Variants in GPX3 observed in about 807,000 individuals in gnomAD.
The protein encoded by GPX3 is glutathione peroxidase 3.
In GPX3, 22 loss-of-function variants were observed where a neutral mutation model predicts 25.1. That is an observed-to-expected ratio of 0.88 (90% CI 0.63 to 1.25). The LOEUF (loss-of-function observed/expected upper bound fraction) is 1.25, where lower values mean the gene tolerates loss of function less well. GPX3 is among the 50% of genes most tolerant of loss of function. The pLI, the probability that GPX3 is intolerant of heterozygous loss-of-function variation, is 0.00. For missense variants in GPX3, 278 were observed against 286.6 expected, an observed-to-expected ratio of 0.97 and a Z score of 0.22; for synonymous variants, 110 against 114.5, an observed-to-expected ratio of 0.96 and a Z score of 0.25.
Position 151,028,006 on chromosome 5 carries a change from T to C in GPX3, c.557T>C (p.Phe186Ser). Reference sequence around the variant, plus strand: ...GACATCCGCTGGAACTTTGAGAAGTTCCTGGTGGGGCCAGATGGTATACCC... The same window carrying C: ...GACATCCGCTGGAACTTTGAGAAGTCCCTGGTGGGGCCAGATGGTATACCC... ...VHDIRWNFEK[F>S]LVGPDGIPIM... The change falls in exon 5 of 5, where the codon TTC becomes TCC. Residue 186 changes from phenylalanine (F) to serine (S), a missense_variant. Phe to Ser is a radical substitution (Grantham distance 155). Transcript: ENST00000388825. The C allele has an allele frequency of 3.1e-6, 5 of 1,614,194 alleles. No individual in the cohort carries two copies. The highest frequency in any genetic ancestry group is 4.2e-6 in the Non-Finnish European group (5 of 1,180,024).
At chr5:151,022,811 C>T (rs963343815) in intron 1 of GPX3, among the ~76,000 whole-genome samples, 8 of 152,238 alleles carry the variant, frequency 5.3e-5, no homozygotes, top group Non-Finnish European at 1.2e-4. Flanking sequence ...GTGACTAAAC[C>T]TGGCAGAGAG....
At position 151,020,663 on chromosome 5, in the gene GPX3, G is replaced by A. The variant is rs1324554269; in HGVS notation, c.9G>A (p.Arg3=). 4 of 1,609,000 alleles carry A rather than the reference G, an allele frequency of 2.5e-6. No individual in the cohort carries two copies. The highest frequency in any genetic ancestry group is 3.4e-6 in the Non-Finnish European group (4 of 1,178,334). ...TGTGCCCCCACCCCGCCATGGCCCG[G>A]CTGCTGCAGGCGTCCTGCCTGCTTT... MA[R]LLQASCLLSL... The change falls in exon 1 of 5, where the codon CGG becomes CGA. Residue 3 remains arginine (R), a synonymous_variant. Transcript: ENST00000388825.
intron 1 of GPX3, 83 bp downstream of exon 1, chr5:151,020,824 C>T (rs1756462978): frequency 2.4e-6 from 3 of 1,275,502 alleles, no homozygotes; most frequent in Non-Finnish European, 3.3e-6. Context: ...ACCCCTTTTC[C>T]CAGGCTCCCC....
chr5:151,020,822 T>C, intron 1 of GPX3, 81 bp downstream of exon 1: 3 of 1,279,636 alleles, frequency 2.3e-6, no homozygotes, highest in Non-Finnish European at 2.2e-6. Flanking sequence ...GCACCCCTTT[T>C]CCCAGGCTCC....
chr5:151,023,842 G>C (rs1011488814), intron 1 of GPX3, among the ~76,000 whole-genome samples: 1 of 152,236 alleles, frequency 6.6e-6, no homozygotes, highest in Admixed American at 6.5e-5. Context: ...TTAGACTCAT[G>C]TAAAGCAGGA....
intron 1 of GPX3, chr5:151,021,002 T>C (rs1285539073): frequency 8.1e-6 from 4 of 491,740 alleles, no homozygotes. Flanking sequence ...AAGGTCTCTC[T>C]CCCCGAGCTC....
rs1301265868 is a variant in GPX3 at position 151,028,622 on chromosome 5, A to G, written c.*492A>G. ...AGTAACTATGACTGACGTCCCCAGA[A>G]GTTTCTGGGTCTACCACACTCCCCA... On this transcript the variant is annotated 3_prime_UTR_variant, in exon 5 of 5. Coordinates refer to ENST00000388825, the MANE Select transcript of GPX3 (RefSeq NM_002084.5). The G allele has an allele frequency of 2.4e-5, 4 of 165,292 alleles. No individual in the cohort carries two copies. The highest frequency in any genetic ancestry group is 1.2e-4 in the Admixed American group (2 of 17,308). The allele number at this position is 165,292 out of a possible 1,614,324, so 10.2% of individuals were successfully genotyped here.
intron 2 of GPX3, among the ~76,000 whole-genome samples, chr5:151,025,994 G>C (rs1475630658): frequency 6.9e-6 from 1 of 145,764 alleles, no homozygotes; most frequent in African/African-American, 2.6e-5. Flanking sequence ...AGATGATCTA[G>C]TTTAGCCTTC....
At chr5:151,023,632 G>C (rs1756508528) in intron 1 of GPX3, among the ~76,000 whole-genome samples, 2 of 152,130 alleles carry the variant, frequency 1.3e-5, no homozygotes, top group African/African-American at 4.8e-5. Context: ...AAAAAGTGGA[G>C]AGGCTATAGA....
chr5:151,021,005 C>T, intron 1 of GPX3: 1 of 490,312 alleles, frequency 2.0e-6, no homozygotes, highest in South Asian at 2.3e-5. Context: ...GTCTCTCTCC[C>T]CGAGCTCGCA....
chr5:151,025,596 A>G (rs1712520847), intron 2 of GPX3, 103 bp downstream of exon 2: 1 of 1,015,436 alleles, frequency 9.8e-7, no homozygotes, highest in Non-Finnish European at 1.4e-6. Context: ...GGCAATCACG[A>G]GAGTCCAAGC....
rs1756609926 is a variant in GPX3 at position 151,028,693 on chromosome 5, C to T, written c.*563C>T. 1 of 157,430 alleles carries T rather than the reference C, an allele frequency of 6.4e-6. No individual in the cohort carries two copies. The highest frequency in any genetic ancestry group is 1.4e-5 in the Non-Finnish European group (1 of 70,796). 9.8% of individuals were successfully genotyped at this position (157,430 alleles called of 1,614,324 possible). On this transcript the variant is annotated 3_prime_UTR_variant, in exon 5 of 5. Transcript: ENST00000388825. ...GAAGGGCCCTCCCAAGGCTACATCCCCACCCCACAGTTCTCCCTGAGAGAG... is the reference window on the plus strand; with the variant it reads ...GAAGGGCCCTCCCAAGGCTACATCCTCACCCCACAGTTCTCCCTGAGAGAG...
chr5:151,020,886 C>T, intron 1 of GPX3, 145 bp downstream of exon 1: 1 of 779,194 alleles, frequency 1.3e-6, no homozygotes, highest in Non-Finnish European at 2.2e-6. Flanking sequence ...CCTTTTGCCG[C>T]CCCCTCCGCC....
chr5:151,027,544 C>G lies in GPX3; in HGVS notation c.459+13C>G. ...CACTTTCCTAAAGGTAAGTGAGCTGCCACCTGTGCTGGCTGGGGCTGCAGC... is the reference window on the plus strand; with the variant it reads ...CACTTTCCTAAAGGTAAGTGAGCTGGCACCTGTGCTGGCTGGGGCTGCAGC... On this transcript the variant is annotated intron_variant, in intron 4 of 4. Coordinates refer to ENST00000388825, the MANE Select transcript of GPX3 (RefSeq NM_002084.5). The G allele has an allele frequency of 6.5e-7, 1 of 1,539,938 alleles. No individual in the cohort carries two copies. The highest frequency in any genetic ancestry group is 9.0e-7 in the Non-Finnish European group (1 of 1,112,802).
At chr5:151,022,931 A>T (rs1265693889) in intron 1 of GPX3, among the ~76,000 whole-genome samples, 2 of 152,160 alleles carry the variant, frequency 1.3e-5, no homozygotes, top group East Asian at 3.9e-4. Context: ...GTCACATGGC[A>T]TCAGAGACAC....
At position 151,027,484 on chromosome 5, in the gene GPX3, G is replaced by C. The variant is rs752647532; in HGVS notation, c.412G>C (p.Gly138Arg). 2.5e-6 allele frequency: 4 copies of C among 1,613,756 alleles called. No individual in the cohort carries two copies. Among genetic ancestry groups the C allele is most frequent in the Non-Finnish European group, 3.4e-6 (4 of 1,179,718 alleles). ...CCCTAATTTCCAGCTCTTTGAGAAA[G>C]GGGATGTCAATGGAGAGAAAGAGCA... Reference protein sequence around the residue: ...FVPNFQLFEKGDVNGEKEQKF... With the variant: ...FVPNFQLFEKRDVNGEKEQKF... Residue 138 changes from glycine to arginine, a missense_variant, in exon 4 of 5, where the codon GGG becomes CGG. By Grantham distance (125) the Gly-to-Arg change is moderately radical (BLOSUM62 -2). Transcript: ENST00000388825.
intron 4 of GPX3, 46 bp downstream of exon 4, chr5:151,027,577 G>C (rs1381969243): frequency 1.6e-6 from 2 of 1,275,644 alleles, no homozygotes; most frequent in African/African-American, 2.9e-5. Flanking sequence ...AGCCCCTCCT[G>C]GCTCCAGCCC....
At chr5:151,024,237 T>C (rs930529338) in intron 1 of GPX3, among the ~76,000 whole-genome samples, 1 of 152,238 alleles carries the variant, frequency 6.6e-6, no homozygotes, top group Non-Finnish European at 1.5e-5. Context: ...AGGTTTCTCC[T>C]TTCCCATCAC....
chr5:151,025,592 C>T (rs151061419), intron 2 of GPX3, 99 bp downstream of exon 2: 146 of 1,046,374 alleles, frequency 1.4e-4, no homozygotes, highest in African/African-American at 1.2e-3. Flanking sequence ...TGATGGCAAT[C>T]ACGAGAGTCC....
Sources: allele counts gnomAD v4.1 joint callset (sites outside exome capture counted in the v4.1 genomes callset), GRCh38; gene constraint gnomAD v4.1.1; transcripts MANE v1.5; gene names NCBI Gene and HGNC (gene_info 2026-07-23, HGNC 2026-07-21).